MEI1: variants seen among roughly 807,000 people sequenced by gnomAD.
MEI1 encodes the protein meiosis inhibitor protein 1.
A neutral mutation model predicts 146.2 loss-of-function variants in MEI1; 103 were observed. The ratio of observed to expected loss-of-function variants is 0.70; its 90% confidence interval spans 0.60 to 0.83. MEI1 has a LOEUF of 0.83. Ranked by LOEUF, MEI1 falls within the 40% of genes least tolerant of loss-of-function variation. The probability of loss-of-function intolerance (pLI) is 0.00; values close to 1 mark genes in which losing one functional copy is unlikely to be tolerated. For synonymous variants in MEI1, 652 were observed against 628.2 expected (o/e 1.04, Z -0.57); for missense variants, 1,529 against 1,533.0 (o/e 1.00, Z 0.04).
chr22:41,735,608 A>G (rs1028338994), intron 11 of MEI1, among the ~76,000 whole-genome samples: 11 of 152,212 alleles, frequency 7.2e-5, no homozygotes, highest in Non-Finnish European at 1.6e-4. Context: ...TGTAGAATCC[A>G]CAATACAGAG....
intron 3 of MEI1, among the ~76,000 whole-genome samples, chr22:41,707,956 C>T (rs1057423305): frequency 6.6e-6 from 1 of 152,194 alleles, no homozygotes; most frequent in Non-Finnish European, 1.5e-5. Context: ...TACTTGGTGT[C>T]CAAACACCCT....
chr22:41,737,979 C>G (rs532268031), intron 11 of MEI1, among the ~76,000 whole-genome samples: 1 of 152,192 alleles, frequency 6.6e-6, no homozygotes, highest in Non-Finnish European at 1.5e-5. Flanking sequence ...ACCATATTTT[C>G]TCTTTTAATT....
intron 10 of MEI1, 53 bp from the exon 11 acceptor site, chr22:41,732,413 CTGG>C (rs2071944801): frequency 6.2e-7 from 1 of 1,613,434 alleles, no homozygotes; most frequent in African/African-American, 1.3e-5. Context: ...GCTTTCACTC[CTGG>C]TGGGGTCAGT....
intron 2 of MEI1, among the ~76,000 whole-genome samples, chr22:41,704,423 T>C (rs1277764074): frequency 6.6e-6 from 1 of 151,700 alleles, no homozygotes; most frequent in Admixed American, 6.6e-5. Flanking sequence ...CCTTTTTTTT[T>C]TTTTTTTTGA....
chr22:41,713,865 A>G (rs1003107132), intron 3 of MEI1, 137 bp from the exon 4 acceptor site: 7 of 696,980 alleles, frequency 1.0e-5, no homozygotes, highest in Non-Finnish European at 1.4e-5. Flanking sequence ...ACATAGTTAA[A>G]TGGAAGAAAT....
chr22:41,795,765 A>G lies in MEI1; in HGVS notation c.3697A>G (p.Ser1233Gly). ...GAGCATGGGACACCTGGCTGACCAC[A>G]GCATGGCCCAGACCCTGCAGGCCTC... ...LQSMGHLADH[S>G]MAQTLQASLE... The change falls in exon 30 of 31, where the codon AGC becomes GGC. Residue 1233 changes from serine to glycine, a missense_variant. Transcript: ENST00000401548. The surrounding 1 kb of genome is among the most constrained non-coding windows in gnomAD (Gnocchi z 4.2). The G allele has an allele frequency of 5.0e-6, 8 of 1,613,718 alleles. No homozygotes were observed. The highest frequency in any genetic ancestry group is 6.8e-6 in the Non-Finnish European group (8 of 1,179,768).
intron 17 of MEI1, 87 bp from the exon 18 acceptor site, chr22:41,758,278 T>C: frequency 1.5e-6 from 2 of 1,301,066 alleles, no homozygotes; most frequent in South Asian, 2.7e-5. Context: ...CCCTGTGCAG[T>C]ACTCTGCATG....
rs1017804146 is a variant in MEI1 at position 41,771,774 on chromosome 22, C to G, written c.2544+813C>G. Among the ~76,000 whole-genome samples, 14 of 152,160 alleles carry G rather than the reference C, an allele frequency of 9.2e-5. 1 individual carries two copies. Among genetic ancestry groups the G allele is most frequent in the African/African-American group, 3.4e-4 (14 of 41,514 alleles). On this transcript the variant is annotated intron_variant, in intron 20 of 30. Coordinates refer to ENST00000401548, the MANE Select transcript of MEI1 (RefSeq NM_152513.4). The stretch of plus-strand genomic sequence containing the variant: ...TAACTCCACTTTTTTTCCTTCCACT[C>G]AAGAAGGCAAATTGAACAACAAATT...
intron 14 of MEI1, among the ~76,000 whole-genome samples, chr22:41,746,567 C>T (rs1388691557): frequency 6.6e-6 from 1 of 152,136 alleles, no homozygotes; most frequent in Non-Finnish European, 1.5e-5. Context: ...ATCCTTGATC[C>T]TGAAGAGCTT....
chr22:41,793,210 G>C (rs890082398), intron 26 of MEI1, among the ~76,000 whole-genome samples: 6 of 151,446 alleles, frequency 4.0e-5, no homozygotes, highest in African/African-American at 1.5e-4. Flanking sequence ...CTAATTTTTT[G>C]TATTTTTAGT....
In MEI1 at chr22:41,736,392, G is replaced by C. The variant is rs556653498; in HGVS notation, c.1331+3789G>C. On this transcript the variant is annotated intron_variant, in intron 11 of 30. Transcript: ENST00000401548. Reference sequence around the variant, plus strand: ...AGCCTCCCGAGTGGCTGGGACTACAGGTGCCTGCCACCATCCCTGGCTAAT... The same window carrying C: ...AGCCTCCCGAGTGGCTGGGACTACACGTGCCTGCCACCATCCCTGGCTAAT... Among the ~76,000 whole-genome samples, 4 of 151,846 alleles carry C rather than the reference G, an allele frequency of 2.6e-5. No homozygotes were observed. The East Asian group carries it at 7.7e-4, about 29-fold the overall frequency.
chr22:41,738,514 G>A (rs1456693314), intron 11 of MEI1, among the ~76,000 whole-genome samples: 3 of 152,160 alleles, frequency 2.0e-5, no homozygotes, highest in Non-Finnish European at 2.9e-5. Flanking sequence ...TTGAACCTGG[G>A]AGGCGGAGGT....
At chr22:41,704,943 T>C (rs2068972906) in intron 2 of MEI1, among the ~76,000 whole-genome samples, 2 of 150,688 alleles carry the variant, frequency 1.3e-5, no homozygotes, top group Middle Eastern at 3.3e-3. Context: ...CTCGATCTCC[T>C]GACCTCGTGA....
chr22:41,793,146 T>C (rs1470704686), intron 26 of MEI1, among the ~76,000 whole-genome samples: 2 of 144,626 alleles, frequency 1.4e-5, no homozygotes, highest in African/African-American at 5.0e-5. Flanking sequence ...CAAGCAATTA[T>C]CTGCCTCAGC....
intron 13 of MEI1, 68 bp from the exon 14 acceptor site, chr22:41,745,817 C>G (rs2073240502): frequency 1.4e-6 from 2 of 1,473,484 alleles, no homozygotes; most frequent in Admixed American, 2.0e-5. Context: ...CGCCACCCCC[C>G]AGGAAGCTGT....
intron 3 of MEI1, among the ~76,000 whole-genome samples, chr22:41,706,560 T>TG (rs1466372918): frequency 6.6e-6 from 1 of 152,024 alleles, no homozygotes; most frequent in Non-Finnish European, 1.5e-5. Flanking sequence ...TTAAAACTGT[T>TG]GAAGTGGACT....
At chr22:41,789,743 G>A (rs1373516511) in intron 26 of MEI1, among the ~76,000 whole-genome samples, 4 of 152,064 alleles carry the variant, frequency 2.6e-5, no homozygotes. Flanking sequence ...TTGTCTCTCT[G>A]GTAGTTTTTG....
chr22:41,721,634 C>T (rs2147428367), intron 6 of MEI1, among the ~76,000 whole-genome samples: 1 of 151,764 alleles, frequency 6.6e-6, no homozygotes, highest in African/African-American at 2.4e-5. Flanking sequence ...CTCAAGAGAT[C>T]CACGTGCCTT....
Position 41,699,519 on chromosome 22 carries a change from A to G in MEI1, c.-20A>G. 6.3e-7 allele frequency: 1 copy of G among 1,599,918 alleles called. No individual in the cohort carries two copies. ...TCTGCGCGGGAAAGAGTGCCGCCTC[A>G]GCTGAGGGCAAGCGAGGAGATGGCT... On this transcript the variant is annotated 5_prime_UTR_variant, in exon 1 of 31. Coordinates refer to ENST00000401548, the MANE Select transcript of MEI1 (RefSeq NM_152513.4).
Sources: gnomAD v4.1 joint callset for allele counts (sites outside exome capture counted in the v4.1 genomes callset) on GRCh38, gnomAD v4.1.1 for gene constraint, Gnocchi (gnomAD v3.1) non-coding constraint, MANE v1.5 for transcripts, NCBI Gene and HGNC (gene_info 2026-07-23, HGNC 2026-07-21) for gene names.